Variants in DPP10 observed in about 807,000 individuals in gnomAD.
DPP10 encodes the protein dipeptidyl peptidase like 10.
In DPP10, 33 loss-of-function variants were observed where a neutral mutation model predicts 120.9. The ratio of observed to expected loss-of-function variants is 0.27; its 90% CI spans 0.21 to 0.37. The LOEUF is 0.37. Among genes scored for constraint, DPP10 ranks in the 10% least tolerant of loss-of-function variants. The pLI is 1.00. For missense variants in DPP10, 816 were observed against 942.8 expected (o/e 0.87, Z 1.76); for synonymous variants, 337 against 326.1 (o/e 1.03, Z -0.36).
At chr2:115,148,136 A>G (rs2051334261) in intron 1 of DPP10, among the ~76,000 whole-genome samples, 1 of 152,208 alleles carries the variant, frequency 6.6e-6, no homozygotes, top group South Asian at 2.1e-4. Flanking sequence ...ACCTGAAGCC[A>G]CAAATCCTGC....
chr2:115,267,352 T>G (rs904855463), intron 1 of DPP10, among the ~76,000 whole-genome samples: 1 of 152,184 alleles, frequency 6.6e-6, no homozygotes, highest in African/African-American at 2.4e-5. Context: ...TATGTCCCTG[T>G]GCTTTAAAAG....
intron 1 of DPP10, among the ~76,000 whole-genome samples, chr2:115,127,557 A>G (rs1027386802): frequency 4.6e-5 from 7 of 152,192 alleles, no homozygotes; most frequent in African/African-American, 1.7e-4. Context: ...TGTTTCTATC[A>G]AGATGGGTAA....
At chr2:115,736,545 A>T (rs1676527752) in intron 8 of DPP10, among the ~76,000 whole-genome samples, 1 of 152,158 alleles carries the variant, frequency 6.6e-6, no homozygotes, top group Admixed American at 6.5e-5. Flanking sequence ...TGCTGAACAG[A>T]TCCATTGGCA....
intron 2 of DPP10, among the ~76,000 whole-genome samples, chr2:115,341,066 C>T (rs2063417751): frequency 6.6e-6 from 1 of 151,816 alleles, no homozygotes; most frequent in Non-Finnish European, 1.5e-5. Context: ...TTTCTGAAAC[C>T]CTAATAAAAT....
chr2:115,425,997 A>G (rs1450183591), intron 3 of DPP10, among the ~76,000 whole-genome samples: 2 of 152,208 alleles, frequency 1.3e-5, no homozygotes, highest in African/African-American at 4.8e-5. Context: ...CTAATGAGGG[A>G]TCTGCCTCCA....
chr2:115,536,916 T>C (rs771013387), intron 5 of DPP10, among the ~76,000 whole-genome samples: 15 of 152,048 alleles, frequency 9.9e-5, no homozygotes, highest in Non-Finnish European at 1.9e-4. Context: ...CTAGGATTAA[T>C]AGATGAGTAG....
intron 1 of DPP10, among the ~76,000 whole-genome samples, chr2:114,768,393 A>T (rs944283323): frequency 6.6e-6 from 1 of 152,222 alleles, no homozygotes; most frequent in African/African-American, 2.4e-5. Context: ...TATCCTTAAG[A>T]ATAAATGATC....
At chr2:115,327,486 G>A (rs945996691) in intron 2 of DPP10, among the ~76,000 whole-genome samples, 5 of 151,948 alleles carry the variant, frequency 3.3e-5, no homozygotes, top group Admixed American at 6.6e-5. Context: ...GAAGGGGCTC[G>A]AATTTTTTTG....
chr2:115,224,704 A>G (rs2057348928), intron 1 of DPP10, among the ~76,000 whole-genome samples: 1 of 152,226 alleles, frequency 6.6e-6, no homozygotes, highest in Admixed American at 6.5e-5. Context: ...ATCATGTGAG[A>G]TAATATAATT....
rs186793597 is a variant in DPP10 at position 115,002,549 on chromosome 2, C to T, written c.61-306690C>T. 3.6e-4 allele frequency among the ~76,000 whole-genome samples: 55 copies of T among 152,086 alleles called. No homozygotes were observed. The East Asian group carries it at 4.3e-3, about 12-fold the overall frequency. On this transcript the variant is annotated intron_variant, in intron 1 of 25. Transcript: ENST00000410059. The stretch of plus-strand genomic sequence containing the variant: ...CTAATTGAACTAAAGAGCTACTGCT[C>T]GGCAAAATAAACTATCAATAAACAA...
chr2:114,973,220 G>C (rs915604355), intron 1 of DPP10, among the ~76,000 whole-genome samples: 2 of 151,926 alleles, frequency 1.3e-5, no homozygotes, highest in Non-Finnish European at 2.9e-5. Flanking sequence ...TGCTGTAAAC[G>C]ATCCTGCTGT....
At chr2:115,112,851 G>T (rs1265407432) in intron 1 of DPP10, among the ~76,000 whole-genome samples, 1 of 152,086 alleles carries the variant, frequency 6.6e-6, no homozygotes, top group African/African-American at 2.4e-5. Flanking sequence ...GAATACAAGT[G>T]CTTGCTTTTC....
intron 3 of DPP10, among the ~76,000 whole-genome samples, chr2:115,380,503 T>A (rs1182682426): frequency 1.3e-5 from 2 of 152,226 alleles, no homozygotes; most frequent in African/African-American, 4.8e-5. Flanking sequence ...TGACTCTTTA[T>A]CCAGTTTGCC....
In DPP10 at chr2:115,381,173, G is replaced by A. The variant is rs538304879; in HGVS notation, c.271+37261G>A. On this transcript the variant is annotated intron_variant, in intron 3 of 25. Transcript: ENST00000410059. ...TTTCCAACTTGGTTCCATTCTCCCC[G>A]TCACTTTCACGTACACCAATCAGTC... 1.6e-3 allele frequency among the ~76,000 whole-genome samples: 248 copies of A among 152,146 alleles called. 1 individual carries two copies. The highest frequency in any genetic ancestry group is 5.3e-3 in the African/African-American group (220 of 41,496).
chr2:115,324,576 A>T (rs1321622493), intron 2 of DPP10, among the ~76,000 whole-genome samples: 1 of 152,188 alleles, frequency 6.6e-6, no homozygotes, highest in African/African-American at 2.4e-5. Flanking sequence ...ACTCTAGATT[A>T]GGCTTTGGCT....
Position 115,674,384 on chromosome 2 carries a change from TG to T in DPP10, c.442-15302del, listed in dbSNP as rs570531113. 4.7e-4 allele frequency among the ~76,000 whole-genome samples: 72 copies of T among 151,714 alleles called. No homozygotes were observed. The South Asian group carries it at 6.5e-3, about 14-fold the overall frequency. On this transcript the variant is annotated intron_variant, in intron 5 of 25. Transcript: ENST00000410059. The stretch of plus-strand genomic sequence containing the variant: ...GAAAACAGGCCTACATACTTCATGA[TG>T]TTTTTTTTTTTTTAAGATTTTTTTC...
intron 5 of DPP10, among the ~76,000 whole-genome samples, chr2:115,589,869 A>G (rs1000170849): frequency 1.3e-5 from 2 of 152,266 alleles, no homozygotes; most frequent in Non-Finnish European, 1.5e-5. Context: ...CAAATAACTC[A>G]TCTAACAGAC....
At chr2:114,630,276 C>T (rs1013264424) in intron 1 of DPP10, among the ~76,000 whole-genome samples, 1 of 152,104 alleles carries the variant, frequency 6.6e-6, no homozygotes, top group Non-Finnish European at 1.5e-5. Flanking sequence ...GTCGTGACCT[C>T]TTAAGAGTTT....
chr2:114,725,287 A>T (rs1340040146), intron 1 of DPP10, among the ~76,000 whole-genome samples: 1 of 152,140 alleles, frequency 6.6e-6, no homozygotes, highest in Non-Finnish European at 1.5e-5. Context: ...CACTACGCAT[A>T]TTCACATTTT....
Sources: gnomAD v4.1 joint callset for allele counts (sites outside exome capture counted in the v4.1 genomes callset) on GRCh38, gnomAD v4.1.1 for gene constraint, MANE v1.5 for transcripts, NCBI Gene and HGNC (gene_info 2026-07-23, HGNC 2026-07-21) for gene names.